SGCZ: variants seen among roughly 807,000 people sequenced by gnomAD.
SGCZ encodes zeta-sarcoglycan.
A neutral mutation model predicts 41.3 loss-of-function variants in SGCZ; 40 were observed. The observed-to-expected ratio is 0.97, with a 90% confidence interval of 0.75 to 1.26. SGCZ has a LOEUF of 1.26. Ranked by LOEUF, SGCZ falls within the 50% of genes most tolerant of loss-of-function variation. The pLI is 0.00. For missense variants in SGCZ, 552 were observed against 369.8 expected (o/e 1.49, Z -4.04); for synonymous variants, 206 against 137.5 (o/e 1.50, Z -3.49).
intron 2 of SGCZ, among the ~76,000 whole-genome samples, chr8:14,408,349 G>A (rs755913133): frequency 1.5e-4 from 23 of 152,124 alleles, no homozygotes; most frequent in African/African-American, 4.6e-4. Context: ...ATGTCCCAAC[G>A]TCCTAGAAAG....
intron 4 of SGCZ, among the ~76,000 whole-genome samples, chr8:14,178,119 G>C (rs561015768): frequency 3.4e-4 from 51 of 151,428 alleles, no homozygotes; most frequent in Non-Finnish European, 6.5e-4. Flanking sequence ...CATCACCCCC[G>C]GCTAATTGTG....
At chr8:14,327,110 G>A (rs562430250) in intron 2 of SGCZ, among the ~76,000 whole-genome samples, 1 of 152,300 alleles carries the variant, frequency 6.6e-6, no homozygotes, top group East Asian at 1.9e-4. Context: ...ATGGCAAATG[G>A]TGATAAACTA....
intron 1 of SGCZ, among the ~76,000 whole-genome samples, chr8:15,069,532 A>G (rs1805275545): frequency 6.6e-6 from 1 of 152,200 alleles, no homozygotes; most frequent in Non-Finnish European, 1.5e-5. Context: ...ACCCAGCAGT[A>G]TACTGGCCCA....
chr8:14,181,698 T>C (rs561988969), intron 4 of SGCZ, among the ~76,000 whole-genome samples: 4 of 152,204 alleles, frequency 2.6e-5, no homozygotes, highest in Non-Finnish European at 4.4e-5. Flanking sequence ...GCACAAGCGC[T>C]CTTGCCTGCT....
chr8:14,693,303 T>TC (rs1808858254), intron 1 of SGCZ, among the ~76,000 whole-genome samples: 1 of 151,678 alleles, frequency 6.6e-6, no homozygotes, highest in Admixed American at 6.6e-5. Context: ...CTTTTTTTTT[T>TC]TTCCCCCAGA....
chr8:14,572,522 C>T (rs796157003), intron 1 of SGCZ, among the ~76,000 whole-genome samples: 12 of 152,130 alleles, frequency 7.9e-5, no homozygotes, highest in East Asian at 5.8e-4. Context: ...TTATTATTAT[C>T]CCTTTTTTAT....
Position 14,460,984 on chromosome 8 carries a change from T to C in SGCZ, c.234+93748A>G, listed in dbSNP as rs1800886186. 2.0e-5 allele frequency among the ~76,000 whole-genome samples: 3 copies of C among 152,192 alleles called. No individual in the cohort carries two copies. The South Asian group carries it at 6.2e-4, about 31-fold the overall frequency. On this transcript the variant is annotated intron_variant, in intron 2 of 7. Transcript: ENST00000382080. ...CTAGATTTTGATTATTTAATCTGAATATGTTTCCCATAGGAAAATGTTACT... is the reference window on the plus strand; with the variant it reads ...CTAGATTTTGATTATTTAATCTGAACATGTTTCCCATAGGAAAATGTTACT...
intron 1 of SGCZ, among the ~76,000 whole-genome samples, chr8:14,968,706 TCTAAG>T (rs923042763): frequency 1.3e-5 from 2 of 152,118 alleles, no homozygotes; most frequent in Non-Finnish European, 2.9e-5. Flanking sequence ...GAAAATGACT[TCTAAG>T]CTGAGTGTTT....
intron 1 of SGCZ, among the ~76,000 whole-genome samples, chr8:14,661,326 T>C (rs980843878): frequency 9.9e-5 from 15 of 152,156 alleles, no homozygotes; most frequent in Admixed American, 2.6e-4. Context: ...AATATATGAA[T>C]GCATTTGGAC....
chr8:14,246,221 G>C (rs1799083755), intron 3 of SGCZ, among the ~76,000 whole-genome samples: 2 of 152,162 alleles, frequency 1.3e-5, no homozygotes, highest in South Asian at 2.1e-4. Context: ...TGATAGACTG[G>C]ATTAAGAAAA....
chr8:14,165,701 A>C (rs1804187816), intron 4 of SGCZ, among the ~76,000 whole-genome samples: 1 of 152,148 alleles, frequency 6.6e-6, no homozygotes, highest in Non-Finnish European at 1.5e-5. Flanking sequence ...TAGGAATCAC[A>C]CATGTGGGGC....
chr8:14,607,762 C>A (rs571974872), intron 1 of SGCZ, among the ~76,000 whole-genome samples: 1 of 152,266 alleles, frequency 6.6e-6, no homozygotes, highest in South Asian at 2.1e-4. Context: ...AGGTTTTCAG[C>A]TCCTCTGGAT....
chr8:14,895,877 G>A (rs930191904), intron 1 of SGCZ, among the ~76,000 whole-genome samples: 2 of 152,100 alleles, frequency 1.3e-5, no homozygotes, highest in Non-Finnish European at 2.9e-5. Context: ...GTAGAAATGG[G>A]ATATTTTATT....
At chr8:14,206,837 G>C (rs1314627305) in intron 4 of SGCZ, among the ~76,000 whole-genome samples, 3 of 152,090 alleles carry the variant, frequency 2.0e-5, no homozygotes, top group Admixed American at 1.3e-4. Flanking sequence ...GTTGCATTCA[G>C]TATGCCCCTT....
intron 5 of SGCZ, among the ~76,000 whole-genome samples, chr8:14,130,571 G>C (rs1402643379): frequency 6.6e-6 from 1 of 152,140 alleles, no homozygotes; most frequent in Non-Finnish European, 1.5e-5. Context: ...CAAGTGAGTG[G>C]AGGTAACACA....
chr8:15,058,467 T>C (rs1787328360), intron 1 of SGCZ, among the ~76,000 whole-genome samples: 1 of 152,190 alleles, frequency 6.6e-6, no homozygotes, highest in African/African-American at 2.4e-5. Flanking sequence ...GGACGTGAAG[T>C]GTATATTTGT....
chr8:14,671,644 A>G (rs981326533), intron 1 of SGCZ, among the ~76,000 whole-genome samples: 3 of 152,134 alleles, frequency 2.0e-5, no homozygotes, highest in African/African-American at 7.2e-5. Flanking sequence ...AAACCCAGAA[A>G]CTAAGCCTGA....
At chr8:15,122,019 C>T (rs1807500762) in intron 1 of SGCZ, among the ~76,000 whole-genome samples, 1 of 151,278 alleles carries the variant, frequency 6.6e-6, no homozygotes, top group Non-Finnish European at 1.5e-5. Flanking sequence ...ACAAAAATTT[C>T]AGAAATTCTA....
At chr8:14,981,115 G>C (rs560040810) in intron 1 of SGCZ, among the ~76,000 whole-genome samples, 34 of 152,080 alleles carry the variant, frequency 2.2e-4, no homozygotes, top group Non-Finnish European at 4.3e-4. Flanking sequence ...ATTTGCTGTG[G>C]AATAGAGCAC....
Sources: allele counts gnomAD v4.1 joint callset (sites outside exome capture counted in the v4.1 genomes callset), GRCh38; gene constraint gnomAD v4.1.1; transcripts MANE v1.5; gene names NCBI Gene and HGNC (gene_info 2026-07-23, HGNC 2026-07-21).